The following TNFRSF17 variants were observed in gnomAD, a reference collection of about 807,000 sequenced individuals.
The protein encoded by TNFRSF17 is TNF receptor superfamily member 17.
Under a neutral mutation model 9.9 loss-of-function variants are expected in TNFRSF17, and 13 were observed. That is an observed-to-expected ratio of 1.31 (90% CI 0.85 to 2.08). TNFRSF17 has a LOEUF of 2.08. Ranked by LOEUF, TNFRSF17 falls within the 30% of genes most tolerant of loss-of-function variation. The pLI is 0.00. For missense variants in TNFRSF17, 305 were observed against 225.8 expected, an observed-to-expected ratio of 1.35 and a Z score of -2.25; for synonymous variants, 99 against 83.7, an observed-to-expected ratio of 1.18 and a Z score of -1.00.
rs369612176 is a variant in TNFRSF17 at position 11,965,470 on chromosome 16, T to C, written c.130+16T>C. ...TGTAATGCAAGTAAGTAATATTGCT[T>C]GAACGATTATTCATTGGTGTGAACT... On this transcript the variant is annotated intron_variant, in intron 1 of 2. Coordinates refer to ENST00000053243, the MANE Select transcript of TNFRSF17 (RefSeq NM_001192.3). The C allele has an allele frequency of 1.9e-6, 3 of 1,613,222 alleles. No individual in the cohort carries two copies. Among genetic ancestry groups the C allele is most frequent in the African/African-American group, 2.7e-5 (2 of 74,928 alleles).
At chr16:11,965,838 GA>G (rs2055189017) in intron 1 of TNFRSF17, among the ~76,000 whole-genome samples, 2 of 152,072 alleles carry the variant, frequency 1.3e-5, no homozygotes, top group African/African-American at 4.8e-5. Flanking sequence ...GGGTGCGGTG[GA>G]TGGCTCACAC....
At position 11,967,603 on chromosome 16, in the gene TNFRSF17, T is replaced by G; in HGVS notation, c.311T>G (p.Leu104Arg). 1 of 1,613,908 alleles carries G rather than the reference T, an allele frequency of 6.2e-7. No homozygotes were observed. The highest frequency in any genetic ancestry group is 1.1e-5 in the South Asian group (1 of 91,062). The stretch of plus-strand genomic sequence containing the variant: ...CTCCTGGGCATGGCTAACATTGACC[T>G]GGAAAAGAGCAGGACTGGTGATGAA... ...SGLLGMANID[L>R]EKSRTGDEII... Residue 104 changes from leucine (L) to arginine (R), a missense_variant, in exon 3 of 3, where the codon CTG (leucine) becomes CGG (arginine). Leu to Arg is a moderately radical substitution (Grantham distance 102). Transcript: ENST00000053243.
At chr16:11,965,940 T>C (rs1428668397) in intron 1 of TNFRSF17, among the ~76,000 whole-genome samples, 1 of 152,064 alleles carries the variant, frequency 6.6e-6, no homozygotes, top group African/African-American at 2.4e-5. Flanking sequence ...TGAAACCCTG[T>C]CTCTACTAAA....
intron 1 of TNFRSF17, among the ~76,000 whole-genome samples, chr16:11,965,681 A>C (rs1169865726): frequency 6.6e-6 from 1 of 152,236 alleles, no homozygotes; most frequent in Non-Finnish European, 1.5e-5. Flanking sequence ...TTTAAAAATC[A>C]GCTCTTCTAA....
Position 11,967,809 on chromosome 16 carries a change from A to C in TNFRSF17, c.517A>C (p.Ser173Arg). Residue 173 changes from serine to arginine, a missense_variant, in exon 3 of 3, where the codon AGT (serine) becomes CGT (arginine). By Grantham distance (110) the Ser-to-Arg change is moderately radical (BLOSUM62 -1). Coordinates refer to ENST00000053243, the MANE Select transcript of TNFRSF17 (RefSeq NM_001192.3). ...DYCKSLPAAL[S>R]ATEIEKSISA... ...TTGCAAGAGCCTGCCAGCTGCTTTG[A>C]GTGCTACGGAGATAGAGAAATCAAT... 6.2e-7 allele frequency: 1 copy of C among 1,614,216 alleles called. No homozygotes were observed. The highest frequency in any genetic ancestry group is 1.1e-5 in the South Asian group (1 of 91,090).
In TNFRSF17 at chr16:11,967,585, G is replaced by C. The variant is rs751708019; in HGVS notation, c.293G>C (p.Gly98Ala). 33 of 1,612,922 alleles carry C rather than the reference G, an allele frequency of 2.0e-5. No individual in the cohort carries two copies. The South Asian group carries it at 3.5e-4, about 17-fold the overall frequency. ...EFKNTGSGLL[G>A]MANIDLEKSR... ...ACATAATTAGGATCAGGTCTCCTGGGCATGGCTAACATTGACCTGGAAAAG... is the reference window on the plus strand; with the variant it reads ...ACATAATTAGGATCAGGTCTCCTGGCCATGGCTAACATTGACCTGGAAAAG... The change falls in exon 3 of 3, where the codon GGC becomes GCC. Residue 98 changes from glycine to alanine, a missense_variant. Gly to Ala is a moderately conservative substitution (Grantham distance 60). Transcript: ENST00000053243.
rs909750928 is a variant in TNFRSF17 at position 11,965,474 on chromosome 16, C to T, written c.130+20C>T. On this transcript the variant is annotated intron_variant, in intron 1 of 2. Transcript: ENST00000053243. The stretch of plus-strand genomic sequence containing the variant: ...ATGCAAGTAAGTAATATTGCTTGAA[C>T]GATTATTCATTGGTGTGAACTATTC... 1.1e-5 allele frequency: 18 copies of T among 1,612,294 alleles called. No individual in the cohort carries two copies. The highest frequency in any genetic ancestry group is 8.8e-5 in the South Asian group (8 of 90,956).
intron 1 of TNFRSF17, among the ~76,000 whole-genome samples, 155 bp from the exon 2 acceptor site, chr16:11,966,040 G>C (rs1053281929): frequency 1.3e-5 from 2 of 152,190 alleles, no homozygotes; most frequent in Admixed American, 1.3e-4. Flanking sequence ...GAACTTGGGA[G>C]GTGGAGGTTG....
Position 11,967,655 on chromosome 16 carries a change from C to G in TNFRSF17, c.363C>G (p.Tyr121Ter), listed in dbSNP as rs146794298. 1.1e-5 allele frequency: 17 copies of G among 1,614,182 alleles called. No individual in the cohort carries two copies. The highest frequency in any genetic ancestry group is 1.4e-5 in the Non-Finnish European group (17 of 1,180,028). Residue 121 changes from tyrosine (Y) to a stop codon, truncating the protein, a stop_gained, in exon 3 of 3, where the codon TAC (tyrosine) becomes TAG (stop). Transcript: ENST00000053243. LOFTEE classifies it low-confidence loss of function (END_TRUNC). Reference protein sequence around the residue: ...DEIILPRGLEYTVEECTCEDC... With the variant: ...DEIILPRGLE Reference sequence around the variant, plus strand: ...TTATTCTTCCGAGAGGCCTCGAGTACACGGTGGAAGAATGCACCTGTGAAG... The same window carrying G: ...TTATTCTTCCGAGAGGCCTCGAGTAGACGGTGGAAGAATGCACCTGTGAAG...
chr16:11,967,650 G>A lies in TNFRSF17; in HGVS notation c.358G>A (p.Glu120Lys), dbSNP rs770349402. 8 of 1,614,146 alleles carry A rather than the reference G, an allele frequency of 5.0e-6. No individual in the cohort carries two copies. Among genetic ancestry groups the A allele is most frequent in the South Asian group, 2.2e-5 (2 of 91,084 alleles). Residue 120 changes from glutamate (E) to lysine (K), a missense_variant, in exon 3 of 3, where the codon GAG (glutamate) becomes AAG (lysine). By Grantham distance (56) the Glu-to-Lys change is moderately conservative. Coordinates refer to ENST00000053243, the MANE Select transcript of TNFRSF17 (RefSeq NM_001192.3). ...TGAAATTATTCTTCCGAGAGGCCTC[G>A]AGTACACGGTGGAAGAATGCACCTG... Reference protein sequence around the residue: ...GDEIILPRGLEYTVEECTCED... With the variant: ...GDEIILPRGLKYTVEECTCED...
At position 11,967,686 on chromosome 16, in the gene TNFRSF17, A is replaced by G. The variant is rs970784088; in HGVS notation, c.394A>G (p.Ile132Val). Residue 132 changes from isoleucine (I) to valine (V), a missense_variant, in exon 3 of 3, where the codon ATC becomes GTC. Transcript: ENST00000053243. The part of the protein sequence containing the change: ...TVEECTCEDC[I>V]KSKPKVDSDH... ...GGAAGAATGCACCTGTGAAGACTGCATCAAGAGCAAACCGAAGGTCGACTC... is the reference window on the plus strand; with the variant it reads ...GGAAGAATGCACCTGTGAAGACTGCGTCAAGAGCAAACCGAAGGTCGACTC... 1.2e-6 allele frequency: 2 copies of G among 1,614,188 alleles called. No homozygotes were observed. Among genetic ancestry groups the G allele is most frequent in the South Asian group, 2.2e-5 (2 of 91,086 alleles).
Position 11,966,369 on chromosome 16 carries a change from C to A in TNFRSF17, c.277+28C>A, listed in dbSNP as rs528485229. On this transcript the variant is annotated intron_variant, in intron 2 of 2. Coordinates refer to ENST00000053243, the MANE Select transcript of TNFRSF17 (RefSeq NM_001192.3). ...TGGTTTGATGGTGAATCTTTGAAAT[C>A]TATTTCCAGGGGATGGCTATTGTGA... 6.0e-5 allele frequency: 96 copies of A among 1,600,890 alleles called. No homozygotes were observed. In the South Asian group the frequency reaches 1.0e-3, roughly 17 times the overall value.
chr16:11,966,329 T>A lies in TNFRSF17; in HGVS notation c.265T>A (p.Phe89Ile), dbSNP rs752937332. 3 of 1,612,156 alleles carry A rather than the reference T, an allele frequency of 1.9e-6. No homozygotes were observed. Among genetic ancestry groups the A allele is most frequent in the Non-Finnish European group, 2.5e-6 (3 of 1,179,272 alleles). ...KINSEPLKDEFKNTGSGLLGM... is the reference protein window; with the variant it reads ...KINSEPLKDEIKNTGSGLLGM... ...AAACTCTGAACCATTAAAGGACGAG[T>A]TTAAAAACACAGGTTGGTTTGATGG... Residue 89 changes from phenylalanine to isoleucine, a missense_variant, in exon 2 of 3, where the codon TTT becomes ATT. Transcript: ENST00000053243.
At position 11,965,312 on chromosome 16, in the gene TNFRSF17, T is replaced by G; in HGVS notation, c.-13T>G. 1 of 1,614,084 alleles carries G rather than the reference T, an allele frequency of 6.2e-7. No individual in the cohort carries two copies. Among genetic ancestry groups the G allele is most frequent in the South Asian group, 1.1e-5 (1 of 91,062 alleles). The stretch of plus-strand genomic sequence containing the variant: ...TGTTCTTTCTGTAGCTCCCTTGTTT[T>G]CTTTTTGTGATCATGTTGCAGATGG... On this transcript the variant is annotated 5_prime_UTR_variant, in exon 1 of 3. Coordinates refer to ENST00000053243, the MANE Select transcript of TNFRSF17 (RefSeq NM_001192.3).
chr16:11,965,288 G>A lies in TNFRSF17; in HGVS notation c.-37G>A. ...GAGATATTACTTGTCCTTCCAGGCT[G>A]TTCTTTCTGTAGCTCCCTTGTTTTC... On this transcript the variant is annotated 5_prime_UTR_variant, in exon 1 of 3. Coordinates refer to ENST00000053243, the MANE Select transcript of TNFRSF17 (RefSeq NM_001192.3). 1 of 1,613,018 alleles carries A rather than the reference G, an allele frequency of 6.2e-7. No homozygotes were observed. The highest frequency in any genetic ancestry group is 1.1e-5 in the South Asian group (1 of 90,946).
At position 11,967,836 on chromosome 16, in the gene TNFRSF17, T is replaced by C. The variant is rs754195213; in HGVS notation, c.544T>C (p.Ser182Pro). ...TGCTACGGAGATAGAGAAATCAATT[T>C]CTGCTAGGTAATTAACCATTTCGAC... is the stretch of plus-strand genomic sequence containing the variant. ...LSATEIEKSI[S>P]AR The change falls in exon 3 of 3, where the codon TCT (serine) becomes CCT (proline). Residue 182 changes from serine (S) to proline (P), a missense_variant. Transcript: ENST00000053243. The C allele has an allele frequency of 9.3e-6, 15 of 1,613,566 alleles. No homozygotes were observed. Among genetic ancestry groups the C allele is most frequent in the Non-Finnish European group, 1.3e-5 (15 of 1,179,732 alleles).
chr16:11,965,731 T>G (rs1197170978), intron 1 of TNFRSF17, among the ~76,000 whole-genome samples: 1 of 152,220 alleles, frequency 6.6e-6, no homozygotes, highest in Non-Finnish European at 1.5e-5. Flanking sequence ...TGTTCATTAA[T>G]TAAGGTGATT....
At chr16:11,966,129 A>G (rs969897989) in intron 1 of TNFRSF17, 66 bp from the exon 2 acceptor site, 8 of 1,446,606 alleles carry the variant, frequency 5.5e-6, no homozygotes, top group Non-Finnish European at 7.5e-6. Flanking sequence ...TAAATAAATA[A>G]TAACAATAAA....
rs1056872304 is a variant in TNFRSF17 at position 11,966,452 on chromosome 16, G to C, written c.277+111G>C. 5.5e-6 allele frequency: 6 copies of C among 1,100,628 alleles called. No homozygotes were observed. In the Admixed American group the frequency reaches 7.2e-5, roughly 13 times the overall value. The allele number at this position is 1,100,628 out of a possible 1,614,324, so 68.2% of individuals were successfully genotyped here. A position where few individuals can be genotyped will look rare whatever the true frequency, so the allele number is the denominator to read the frequency against. ...TATTTCACTTCGTTACAGCCCTTTC[G>C]AATGTGTTAGAACATTGTTACATTA... is the stretch of plus-strand genomic sequence containing the variant. On this transcript the variant is annotated intron_variant, in intron 2 of 2. Transcript: ENST00000053243.
Sources: allele counts gnomAD v4.1 joint callset (sites outside exome capture counted in the v4.1 genomes callset), GRCh38; gene constraint gnomAD v4.1.1; transcripts MANE v1.5; gene names NCBI Gene and HGNC (gene_info 2026-07-23, HGNC 2026-07-21).